Variants in CTH observed in about 807,000 individuals in gnomAD.
CTH encodes the protein cystathionase (cystathionine gamma-lyase).
A neutral mutation model predicts 50.6 loss-of-function variants in CTH; 41 were observed. That is an observed-to-expected ratio of 0.81 (90% CI 0.63 to 1.05). The LOEUF (loss-of-function observed/expected upper bound fraction) is 1.05, where lower values mean the gene tolerates loss of function less well. Ranked by LOEUF, CTH falls within the 50% of genes least tolerant of loss-of-function variation. CTH has a pLI of 0.00. For missense variants in CTH, 470 were observed against 492.6 expected (o/e 0.95, Z 0.43); for synonymous variants, 156 against 168.9 (o/e 0.92, Z 0.59).
At chr1:70,436,093 T>C (rs536114349) in intron 10 of CTH, among the ~76,000 whole-genome samples, 15 of 152,044 alleles carry the variant, frequency 9.9e-5, no homozygotes, top group Non-Finnish European at 2.2e-4. Context: ...GGTGGGCCAC[T>C]TGAGGTCAGG....
At chr1:70,431,537 A>G (rs931140220) in intron 7 of CTH, among the ~76,000 whole-genome samples, 1 of 152,224 alleles carries the variant, frequency 6.6e-6, no homozygotes, top group Non-Finnish European at 1.5e-5. Flanking sequence ...AAATATAAAC[A>G]TGATTAGGAA....
At chr1:70,418,939 G>A (rs1436717451) in intron 3 of CTH, among the ~76,000 whole-genome samples, 3 of 150,912 alleles carry the variant, frequency 2.0e-5, no homozygotes, top group Admixed American at 6.6e-5. Flanking sequence ...TCTTCATTTA[G>A]CATTAGGTAT....
chr1:70,413,487 A>G (rs1684019354), intron 1 of CTH, among the ~76,000 whole-genome samples: 1 of 150,688 alleles, frequency 6.6e-6, no homozygotes, highest in Admixed American at 6.6e-5. Context: ...GCTGCTCTTG[A>G]ACTCCTGACC....
At chr1:70,430,039 A>G (rs1486027877) in intron 6 of CTH, among the ~76,000 whole-genome samples, 188 bp downstream of exon 6, 1 of 152,198 alleles carries the variant, frequency 6.6e-6, no homozygotes, top group Non-Finnish European at 1.5e-5. Flanking sequence ...CTCATGATTT[A>G]TGAGAAGAGG....
intron 9 of CTH, 75 bp downstream of exon 9, chr1:70,434,024 A>C: frequency 6.3e-7 from 1 of 1,597,014 alleles, no homozygotes; most frequent in Non-Finnish European, 8.5e-7. Flanking sequence ...ACTTCTACTC[A>C]AGCCAGATAA....
At position 70,421,558 on chromosome 1, in the gene CTH, T is replaced by G; in HGVS notation, c.347-8T>G. The G allele has an allele frequency of 1.2e-6, 2 of 1,613,040 alleles. No homozygotes were observed. The highest frequency in any genetic ancestry group is 1.7e-6 in the Non-Finnish European group (2 of 1,179,102). On this transcript the variant is annotated splice_polypyrimidine_tract_variant and splice_region_variant and intron_variant, in intron 3 of 11. Coordinates refer to ENST00000370938, the MANE Select transcript of CTH (RefSeq NM_001902.6). ...CTTTTCATTTTATCTGATTCCCTTCTGTCTCAGGTACAAACAGGTACTTCA... is the reference window on the plus strand; with the variant it reads ...CTTTTCATTTTATCTGATTCCCTTCGGTCTCAGGTACAAACAGGTACTTCA...
At position 70,411,432 on chromosome 1, in the gene CTH, C is replaced by T; in HGVS notation, c.17C>T (p.Ala6Val). 6.2e-7 allele frequency: 1 copy of T among 1,614,072 alleles called. No homozygotes were observed. The highest frequency in any genetic ancestry group is 8.5e-7 in the Non-Finnish European group (1 of 1,179,908). Residue 6 changes from alanine to valine, a missense_variant, in exon 1 of 12, where the codon GCC becomes GTC. Transcript: ENST00000370938. MQEKDASSQGFLPHFQ... is the reference protein window; with the variant it reads MQEKDVSSQGFLPHFQ... Reference sequence around the variant, plus strand: ...CGGTTCAGCATGCAGGAAAAAGACGCCTCCTCACAAGGTTTCCTGCCACAC... The same window carrying T: ...CGGTTCAGCATGCAGGAAAAAGACGTCTCCTCACAAGGTTTCCTGCCACAC...
chr1:70,414,511 G>A (rs1233795220), intron 1 of CTH, among the ~76,000 whole-genome samples: 1 of 151,830 alleles, frequency 6.6e-6, no homozygotes, highest in East Asian at 1.9e-4. Context: ...AAAAAAGTCT[G>A]CTCAACTTGT....
At chr1:70,435,514 CT>C (rs1234196692) in intron 10 of CTH, among the ~76,000 whole-genome samples, 3 of 152,004 alleles carry the variant, frequency 2.0e-5, no homozygotes, top group Admixed American at 6.6e-5. Context: ...GGATTGGAGA[CT>C]TTGTACTAGA....
At chr1:70,428,546 T>C (rs1477084549) in intron 5 of CTH, among the ~76,000 whole-genome samples, 2 of 152,138 alleles carry the variant, frequency 1.3e-5, no homozygotes, top group Admixed American at 6.5e-5. Context: ...AAGAAAACAC[T>C]TTTAAAAATT....
At chr1:70,419,596 C>A (rs368553252) in intron 3 of CTH, among the ~76,000 whole-genome samples, 4 of 152,152 alleles carry the variant, frequency 2.6e-5, no homozygotes, top group South Asian at 4.1e-4. Flanking sequence ...ATATACCTAA[C>A]GCTAAATGAT....
At chr1:70,413,354 C>T (rs1162352256) in intron 1 of CTH, among the ~76,000 whole-genome samples, 1 of 151,610 alleles carries the variant, frequency 6.6e-6, no homozygotes, top group African/African-American at 2.4e-5. Context: ...ACCTCCGCCT[C>T]CCGGGTTCAA....
At chr1:70,415,100 T>A (rs1684062322) in intron 1 of CTH, among the ~76,000 whole-genome samples, 1 of 152,218 alleles carries the variant, frequency 6.6e-6, no homozygotes, top group Non-Finnish European at 1.5e-5. Context: ...TCCTGTTGTA[T>A]GCTAAATAGA....
intron 6 of CTH, 38 bp from the exon 7 acceptor site, chr1:70,430,279 C>T: frequency 4.4e-6 from 5 of 1,148,588 alleles, no homozygotes; most frequent in Non-Finnish European, 6.6e-6. Context: ...TTGTTTCTAA[C>T]TGAAATTTTT....
intron 10 of CTH, among the ~76,000 whole-genome samples, chr1:70,437,012 C>G (rs1157993680): frequency 6.6e-6 from 1 of 152,112 alleles, no homozygotes; most frequent in Non-Finnish European, 1.5e-5. Flanking sequence ...TTCTGTGTCT[C>G]CCAACTCTGC....
intron 3 of CTH, among the ~76,000 whole-genome samples, chr1:70,418,981 C>A (rs545951513): frequency 1.7e-5 from 2 of 118,036 alleles, no homozygotes; most frequent in African/African-American, 3.2e-5. Context: ...CCCCTCCCCC[C>A]ACCCCACAAC....
At chr1:70,428,044 C>T (rs1032557842) in intron 5 of CTH, among the ~76,000 whole-genome samples, 1 of 150,950 alleles carries the variant, frequency 6.6e-6, no homozygotes, top group Non-Finnish European at 1.5e-5. Context: ...AAAGTCTACA[C>T]TTTTCACTCT....
rs538200286 is a variant in CTH at position 70,423,798 on chromosome 1, G to C, written c.457-487G>C. On this transcript the variant is annotated intron_variant, in intron 4 of 11. Coordinates refer to ENST00000370938, the MANE Select transcript of CTH (RefSeq NM_001902.6). ...TAAAGCCCATGCTCTTCAAGTCTTA[G>C]ATACTTATTCTATAGTTTCTAGAGT... Among the ~76,000 whole-genome samples, 9 of 152,206 alleles carry C rather than the reference G, an allele frequency of 5.9e-5. No individual in the cohort carries two copies. In the East Asian group the frequency reaches 1.7e-3, roughly 29 times the overall value.
At chr1:70,423,771 T>C (rs1270327386) in intron 4 of CTH, among the ~76,000 whole-genome samples, 1 of 152,188 alleles carries the variant, frequency 6.6e-6, no homozygotes, top group African/African-American at 2.4e-5. Context: ...TCTTCTTTAG[T>C]CTAAAGCCCA....
Sources: gnomAD v4.1 joint callset for allele counts (sites outside exome capture counted in the v4.1 genomes callset) on GRCh38, gnomAD v4.1.1 for gene constraint, MANE v1.5 for transcripts, NCBI Gene and HGNC (gene_info 2026-07-23, HGNC 2026-07-21) for gene names.